The following POTEF variants were observed in gnomAD, a reference collection of about 807,000 sequenced individuals.
POTEF encodes POTE ankyrin domain family member F.
In POTEF, 20 loss-of-function variants were observed where a neutral mutation model predicts 83.2. The observed-to-expected ratio is 0.24, with a 90% CI of 0.17 to 0.35. POTEF has a LOEUF of 0.35. POTEF is among the 10% of genes least tolerant of loss of function. The pLI, the probability that POTEF is intolerant of heterozygous loss-of-function variation, is 1.00. For synonymous variants in POTEF, 196 were observed against 446.4 expected, an observed-to-expected ratio of 0.44 and a Z score of 7.07; for missense variants, 550 against 1,203.2, an observed-to-expected ratio of 0.46 and a Z score of 8.03.
intron 5 of POTEF, among the ~76,000 whole-genome samples, chr2:130,114,623 TA>T (rs1200123994): frequency 6.0e-5 from 9 of 150,278 alleles, no homozygotes; most frequent in African/African-American, 2.2e-4. Flanking sequence ...TGAAAAATAG[TA>T]AGTATTATCT....
intron 9 of POTEF, among the ~76,000 whole-genome samples, chr2:130,101,165 G>C (rs1007569776): frequency 1.4e-5 from 2 of 138,494 alleles, no homozygotes; most frequent in Admixed American, 1.5e-4. Context: ...ACAGTGCACT[G>C]AAGTGCTTTT....
At chr2:130,115,750 G>T (rs1052431489) in intron 3 of POTEF, among the ~76,000 whole-genome samples, 6 of 150,806 alleles carry the variant, frequency 4.0e-5, no homozygotes, top group African/African-American at 1.5e-4. Context: ...CTCAATAATT[G>T]TTAGATATTT....
rs1685101347 is a variant in POTEF at position 130,126,783 on chromosome 2, C to T, written c.-94+926G>A. Among the ~76,000 whole-genome samples, 3 of 151,772 alleles carry T rather than the reference C, an allele frequency of 2.0e-5. No individual in the cohort carries two copies. The South Asian group carries it at 6.2e-4, about 31-fold the overall frequency. The stretch of plus-strand genomic sequence containing the variant: ...AAATACAACACAGTGACAATTTTGG[C>T]TTGTTGTTTGTTAAGGCCATTGCTT... On this transcript the variant is annotated intron_variant, in intron 2 of 16. Coordinates refer to ENST00000409914, the MANE Select transcript of POTEF (RefSeq NM_001099771.2).
In POTEF at chr2:130,073,936, G is replaced by A. The variant is rs12615345; in HGVS notation, c.*308C>T. 252,848 of 501,658 alleles carry A rather than the reference G, an allele frequency of 0.5. 54,939 individuals are homozygous for A. The highest frequency in any genetic ancestry group is 0.62 in the Admixed American group (18,316 of 29,564). The allele number at this position is 501,658 out of a possible 1,614,324, so 31.1% of individuals were successfully genotyped here. A position where few individuals can be genotyped will look rare whatever the true frequency, so the allele number is the denominator to read the frequency against. On this transcript the variant is annotated 3_prime_UTR_variant, in exon 17 of 17. Coordinates refer to ENST00000409914, the MANE Select transcript of POTEF (RefSeq NM_001099771.2). ...TGGGCCATTCTCCTTAGAGAGAAGT[G>A]GGGTGGCTTTTAGCAGGGCAAGGGG...
chr2:130,126,375 A>G (rs1056277929), intron 2 of POTEF, among the ~76,000 whole-genome samples: 2 of 152,024 alleles, frequency 1.3e-5, no homozygotes, highest in African/African-American at 2.4e-5. Flanking sequence ...AATACAGTTC[A>G]CTTAATAATC....
chr2:130,127,449 A>G (rs1685125755), intron 2 of POTEF, among the ~76,000 whole-genome samples: 1 of 149,484 alleles, frequency 6.7e-6, no homozygotes, highest in Admixed American at 6.6e-5. Flanking sequence ...CCCTCCAGAG[A>G]TTGCAAGAGA....
At chr2:130,113,221 GAAA>G (rs1206432110) in intron 5 of POTEF, among the ~76,000 whole-genome samples, 3 of 50,296 alleles carry the variant, frequency 6.0e-5, no homozygotes, top group African/African-American at 1.5e-4. Flanking sequence ...CATCTCTACT[GAAA>G]AAAAAAAAAA....
chr2:130,116,756 AAC>A (rs1234075938), intron 3 of POTEF, among the ~76,000 whole-genome samples: 1 of 125,660 alleles, frequency 8.0e-6, no homozygotes, highest in East Asian at 2.1e-4. Context: ...AAACAACTAA[AAC>A]AGTCTTTCTC....
chr2:130,103,532 C>T (rs1458599135), intron 8 of POTEF, among the ~76,000 whole-genome samples: 1 of 126,288 alleles, frequency 7.9e-6, no homozygotes, highest in Non-Finnish European at 1.7e-5. Flanking sequence ...ATCTTTACCA[C>T]CTGAACTGTA....
rs1684727394 is a variant in POTEF at position 130,112,022 on chromosome 2, T to C, written c.890A>G (p.Asn297Ser). Residue 297 changes from asparagine to serine, a missense_variant, in exon 6 of 17, where the codon AAT (asparagine) becomes AGT (serine). By Grantham distance (46) the Asn-to-Ser change is conservative. Coordinates refer to ENST00000409914, the MANE Select transcript of POTEF (RefSeq NM_001099771.2). ...VVKFLIKKKA[N>S]LNALDRYGRT... The stretch of plus-strand genomic sequence containing the variant: ...TCCATATCTATCCAGTGCATTTAAA[T>C]TCGCTTTTTTCTTAATTAAAAATTT... 1 of 1,282,532 alleles carries C rather than the reference T, an allele frequency of 7.8e-7. No individual in the cohort carries two copies. The highest frequency in any genetic ancestry group is 2.4e-5 in the Admixed American group (1 of 42,024). The allele number at this position is 1,282,532 out of a possible 1,614,324, so 79.4% of individuals were successfully genotyped here.
chr2:130,108,847 C>T (rs1165700016), intron 7 of POTEF, among the ~76,000 whole-genome samples: 2 of 149,508 alleles, frequency 1.3e-5, no homozygotes, highest in African/African-American at 2.5e-5. Context: ...CTTGGACCAA[C>T]GATCCTTCTC....
Position 130,109,310 on chromosome 2 carries a change from C to T in POTEF, c.1056-1231G>A, listed in dbSNP as rs1013997683. 2.1e-5 allele frequency: 3 copies of T among 141,414 alleles called. 1 individual carries two copies. Among genetic ancestry groups the T allele is most frequent in the African/African-American group, 8.4e-5 (3 of 35,756 alleles). The allele number at this position is 141,414 out of a possible 1,614,324, so 8.8% of individuals were successfully genotyped here. ...AGGATATGTGCCGCCGAAGCAAGCA[C>T]AAAGCCCTACTTTTACATATGATTA... On this transcript the variant is annotated intron_variant, in intron 7 of 16. Transcript: ENST00000409914.
In POTEF at chr2:130,074,842, C is replaced by T. The variant is rs757139860; in HGVS notation, c.2630G>A (p.Arg877His). ...CAGTTCCCGCCCAGCCAGGTCTAGG[C>T]GCAGGGTGGCATGGGGGAGGGCATT... Reference protein sequence around the residue: ...EGNALPHATLRLDLAGRELPD... With the variant: ...EGNALPHATLHLDLAGRELPD... Residue 877 changes from arginine (R) to histidine (H), a missense_variant, in exon 17 of 17, where the codon CGC becomes CAC. Transcript: ENST00000409914. 3.4e-5 allele frequency: 52 copies of T among 1,523,516 alleles called. No individual in the cohort carries two copies. The highest frequency in any genetic ancestry group is 8.0e-5 in the African/African-American group (5 of 62,846). 94.4% of individuals were successfully genotyped at this position (1,523,516 alleles called of 1,614,324 possible).
chr2:130,128,332 A>C (rs1176810130), intron 1 of POTEF, among the ~76,000 whole-genome samples: 1 of 151,906 alleles, frequency 6.6e-6, no homozygotes, highest in Non-Finnish European at 1.5e-5. Flanking sequence ...TCAAGATTGC[A>C]CCAGGAGGAA....
Position 130,075,367 on chromosome 2 carries a change from T to G in POTEF, c.2105A>C (p.Asp702Ala). 6.2e-7 allele frequency: 1 copy of G among 1,612,226 alleles called. No individual in the cohort carries two copies. Among genetic ancestry groups the G allele is most frequent in the Non-Finnish European group, 8.5e-7 (1 of 1,179,864 alleles). ...KALQLNELTM[D>A]DDTAVLVIDN... ...AATGACGAGCACAGCGGTATCATCA[T>G]CCATGGTGAGCTCATTCAATTGTAG... is the stretch of plus-strand genomic sequence containing the variant. The change falls in exon 17 of 17, where the codon GAT becomes GCT. Residue 702 changes from aspartate to alanine, a missense_variant. By Grantham distance (126) the Asp-to-Ala change is moderately radical. Coordinates refer to ENST00000409914, the MANE Select transcript of POTEF (RefSeq NM_001099771.2).
intron 2 of POTEF, among the ~76,000 whole-genome samples, chr2:130,123,589 A>G (rs1287568414): frequency 6.6e-6 from 1 of 151,914 alleles, no homozygotes; most frequent in Non-Finnish European, 1.5e-5. Context: ...TATGCAATTG[A>G]TACTATTTAC....
Position 130,120,372 on chromosome 2 carries a change from G to T in POTEF, c.144C>A (p.Asp48Glu), listed in dbSNP as rs528127046. The change falls in exon 3 of 17, where the codon GAC becomes GAA. Residue 48 changes from aspartate to glutamate, a missense_variant. Coordinates refer to ENST00000409914, the MANE Select transcript of POTEF (RefSeq NM_001099771.2). ...SGKSNVGTSG[D>E]HDDSAMKTLR... ...GTGTCTTCATAGCAGAGTCGTCGTG[G>T]TCTCCAGAAGTGCCCACGTTGCTCT... The T allele has an allele frequency of 6.2e-7, 1 of 1,602,652 alleles. No homozygotes were observed. Among genetic ancestry groups the T allele is most frequent in the Non-Finnish European group, 8.5e-7 (1 of 1,171,216 alleles).
At chr2:130,121,094 G>A (rs1684991679) in intron 2 of POTEF, among the ~76,000 whole-genome samples, 1 of 151,862 alleles carries the variant, frequency 6.6e-6, no homozygotes, top group Admixed American at 6.6e-5. Context: ...TTACAAGCCA[G>A]CCAAGCTGCT....
intron 2 of POTEF, among the ~76,000 whole-genome samples, chr2:130,122,798 G>C (rs905688156): frequency 3.3e-5 from 5 of 151,002 alleles, no homozygotes; most frequent in Non-Finnish European, 7.4e-5. Flanking sequence ...TTGTTTTGTT[G>C]CTATTATAAA....
Sources: gnomAD v4.1 joint callset for allele counts (sites outside exome capture counted in the v4.1 genomes callset) on GRCh38, gnomAD v4.1.1 for gene constraint, MANE v1.5 for transcripts, NCBI Gene and HGNC (gene_info 2026-07-23, HGNC 2026-07-21) for gene names.